FOXK2: variants seen among roughly 807,000 people sequenced by gnomAD.
FOXK2 encodes the protein forkhead box protein K2.
In FOXK2, 24 loss-of-function variants were observed where a neutral mutation model predicts 53.3. The ratio of observed to expected loss-of-function variants is 0.45; its 90% confidence interval spans 0.33 to 0.63. The LOEUF (loss-of-function observed/expected upper bound fraction) is 0.63, where lower values mean the gene tolerates loss of function less well. Ranked by LOEUF, FOXK2 falls within the 30% of genes least tolerant of loss-of-function variation. The pLI, the probability that FOXK2 is intolerant of heterozygous loss-of-function variation, is 0.03. For missense variants in FOXK2, 952 were observed against 910.5 expected (o/e 1.05, Z -0.59); for synonymous variants, 505 against 407.1 (o/e 1.24, Z -2.89).
intron 2 of FOXK2, among the ~76,000 whole-genome samples, chr17:82,567,266 A>T (rs951470303): frequency 6.6e-6 from 1 of 152,114 alleles, no homozygotes; most frequent in African/African-American, 2.4e-5. Context: ...TCTTACCTTG[A>T]TATTGTTCCA....
At chr17:82,596,531 T>C (rs2045314745) in intron 8 of FOXK2, among the ~76,000 whole-genome samples, 1 of 152,404 alleles carries the variant, frequency 6.6e-6, no homozygotes, top group South Asian at 2.1e-4. Flanking sequence ...GGGGACTGTT[T>C]CCAGACGCAC....
intron 1 of FOXK2, among the ~76,000 whole-genome samples, chr17:82,522,191 C>T (rs559040776): frequency 1.3e-5 from 2 of 151,782 alleles, no homozygotes; most frequent in African/African-American, 4.8e-5. Context: ...GGTATGATGA[C>T]AGCTCACTGC....
At position 82,520,170 on chromosome 17, in the gene FOXK2, C is replaced by A; in HGVS notation, c.282C>A (p.Ala94=). The change falls in exon 1 of 9, where the codon GCC becomes GCA. Residue 94 remains alanine (A), a synonymous_variant. Transcript: ENST00000335255. ...TPPGGGGHGG[A]APELPPAQPR... Reference sequence around the variant, plus strand: ...CGGGCGGCGGCGGCCATGGCGGGGCCGCTCCGGAGCTGCCGCCCGCGCAGC... The same window carrying A: ...CGGGCGGCGGCGGCCATGGCGGGGCAGCTCCGGAGCTGCCGCCCGCGCAGC... 1 of 1,483,536 alleles carries A rather than the reference C, an allele frequency of 6.7e-7. No homozygotes were observed. The highest frequency in any genetic ancestry group is 9.0e-7 in the Non-Finnish European group (1 of 1,116,658). 91.9% of individuals were successfully genotyped at this position (1,483,536 alleles called of 1,614,324 possible). A position where few individuals can be genotyped will look rare whatever the true frequency, so the allele number is the denominator to read the frequency against.
chr17:82,535,748 G>GTTTTTTTT (rs138654812), intron 1 of FOXK2, among the ~76,000 whole-genome samples: 1 of 140,108 alleles, frequency 7.1e-6, no homozygotes, highest in African/African-American at 2.6e-5. Flanking sequence ...GTGTGTTTTT[G>GTTTTTTTT]TTTTTGTTTT....
At position 82,587,213 on chromosome 17, in the gene FOXK2, C is replaced by T. The variant is rs2143133235; in HGVS notation, c.1727C>T (p.Thr576Ile). 6.2e-7 allele frequency: 1 copy of T among 1,613,114 alleles called. No individual in the cohort carries two copies. Among genetic ancestry groups the T allele is most frequent in the East Asian group, 2.2e-5 (1 of 44,884 alleles). Residue 576 changes from threonine to isoleucine, a missense_variant, in exon 8 of 9, where the codon ACA (threonine) becomes ATA (isoleucine). By Grantham distance (89) the Thr-to-Ile change is moderately conservative. Coordinates refer to ENST00000335255, the MANE Select transcript of FOXK2 (RefSeq NM_004514.4). ...GQHQLPIKTV[T>I]QNGTHVASVP... ...CACCAGCTACCAATAAAAACTGTAA[C>T]ACAAAACGGCACTCACGTGGCATCA...
chr17:82,586,356 A>AGTG (rs1567985181), intron 7 of FOXK2, among the ~76,000 whole-genome samples, 156 bp downstream of exon 7: 30 of 5,464 alleles, frequency 5.5e-3, no homozygotes, highest in South Asian at 0.021. Flanking sequence ...AGGTAGGCGG[A>AGTG]GGGGAAAGGA....
intron 4 of FOXK2, chr17:82,576,502 A>G (rs2044987882): frequency 3.5e-6 from 2 of 567,198 alleles, no homozygotes; most frequent in East Asian, 6.6e-5. Flanking sequence ...TAAATGAAGA[A>G]TTACAAAACA....
At chr17:82,536,341 T>A (rs2044520666) in intron 1 of FOXK2, among the ~76,000 whole-genome samples, 1 of 152,208 alleles carries the variant, frequency 6.6e-6, no homozygotes, top group African/African-American at 2.4e-5. Context: ...ATTTTTGTTG[T>A]TGTTGCAAAC....
At chr17:82,598,147 G>A (rs781123208) in intron 8 of FOXK2, among the ~76,000 whole-genome samples, 4 of 146,022 alleles carry the variant, frequency 2.7e-5, no homozygotes, top group Admixed American at 6.8e-5. Context: ...CCATCATCTC[G>A]CAGTGCTGCA....
At chr17:82,595,392 C>T (rs1598240351) in intron 8 of FOXK2, among the ~76,000 whole-genome samples, 1 of 152,150 alleles carries the variant, frequency 6.6e-6, no homozygotes, top group Non-Finnish European at 1.5e-5. Flanking sequence ...GCCTTGAACT[C>T]GTGGGCTCAA....
At chr17:82,559,799 T>C (rs8079884) in intron 1 of FOXK2, among the ~76,000 whole-genome samples, 25,370 of 151,778 alleles carry the variant, frequency 0.17, 2,634 homozygotes, top group East Asian at 0.39. Flanking sequence ...AGAGCAGCAC[T>C]GAAAGCTTAT....
chr17:82,577,193 T>C, intron 4 of FOXK2: 1 of 1,024,056 alleles, frequency 9.8e-7, no homozygotes, highest in Non-Finnish European at 1.5e-6. Context: ...AGAAATGTAT[T>C]CATTAAAAAT....
intron 1 of FOXK2, among the ~76,000 whole-genome samples, chr17:82,552,907 A>C (rs1285115035): frequency 1.3e-5 from 2 of 152,160 alleles, no homozygotes; most frequent in African/African-American, 4.8e-5. Context: ...GTTACGTAAA[A>C]TCACAGACTG....
rs2044820876 is a variant in FOXK2, at chr17:82,563,551, G to T, written c.614+3G>T. On this transcript the variant is annotated splice_donor_region_variant and intron_variant, in intron 2 of 8. Transcript: ENST00000335255. The stretch of plus-strand genomic sequence containing the variant: ...CCCTCCCCCACGGGAACCATCAGGT[G>T]CGGCCATGGGGATGGGGGACTGGAG... 2 of 1,610,664 alleles carry T rather than the reference G, an allele frequency of 1.2e-6. No homozygotes were observed. The highest frequency in any genetic ancestry group is 1.7e-6 in the Non-Finnish European group (2 of 1,178,644).
At chr17:82,532,609 C>T (rs993582354) in intron 1 of FOXK2, among the ~76,000 whole-genome samples, 2 of 152,044 alleles carry the variant, frequency 1.3e-5, no homozygotes, top group Admixed American at 6.6e-5. Context: ...TTTTCTGAGA[C>T]TACGTCTCAC....
intron 1 of FOXK2, among the ~76,000 whole-genome samples, chr17:82,536,819 G>GTC: frequency 6.6e-6 from 1 of 152,370 alleles, no homozygotes; most frequent in African/African-American, 2.4e-5. Flanking sequence ...GCCTTAGGCA[G>GTC]TCTGTTGTAT....
intron 1 of FOXK2, chr17:82,559,613 G>C (rs72861098): frequency 0.18 from 71,503 of 405,356 alleles, 7,192 homozygotes; most frequent in East Asian, 0.33. Flanking sequence ...CCTCGTGCCA[G>C]GCTGGTCTTC....
intron 1 of FOXK2, among the ~76,000 whole-genome samples, chr17:82,550,479 A>G (rs886566410): frequency 4.9e-4 from 73 of 148,700 alleles, no homozygotes; most frequent in African/African-American, 1.7e-3. Context: ...ATTAAACTCC[A>G]TGCCTGGCCC....
chr17:82,571,607 A>G, intron 3 of FOXK2, 117 bp from the exon 4 acceptor site: 5 of 1,112,642 alleles, frequency 4.5e-6, no homozygotes, highest in Non-Finnish European at 6.0e-6. Context: ...TCTCAAAAAA[A>G]AGACAAATGA....
Sources: allele counts gnomAD v4.1 joint callset (sites outside exome capture counted in the v4.1 genomes callset), GRCh38; gene constraint gnomAD v4.1.1; transcripts MANE v1.5; gene names NCBI Gene and HGNC (gene_info 2026-07-23, HGNC 2026-07-21).